Variants in PALM2AKAP2 observed in about 807,000 individuals in gnomAD.
PALM2AKAP2 encodes PALM2 and AKAP2 fusion.
A neutral mutation model predicts 71.5 loss-of-function variants in PALM2AKAP2; 37 were observed. The observed-to-expected ratio is 0.52, with a 90% CI of 0.40 to 0.68. The LOEUF is 0.68. PALM2AKAP2 is among the 30% of genes least tolerant of loss of function. PALM2AKAP2 has a pLI of 0.00. For missense variants in PALM2AKAP2, 1,224 were observed against 1,191.8 expected, an observed-to-expected ratio of 1.03 and a Z score of -0.40; for synonymous variants, 468 against 478.8, an observed-to-expected ratio of 0.98 and a Z score of 0.29.
chr9:110,100,818 C>G lies in PALM2AKAP2; in HGVS notation c.157-35309C>G, dbSNP rs113886626. On this transcript the variant is annotated intron_variant, in intron 1 of 3. Coordinates refer to ENST00000374525, the Ensembl canonical transcript of PALM2AKAP2. The stretch of plus-strand genomic sequence containing the variant: ...CAAAGACATGTGACATTGGCCCAAA[C>G]CCCCCTCAACTTGGAAAAGGGGTGG... 5.6e-3 allele frequency among the ~76,000 whole-genome samples: 845 copies of G among 152,236 alleles called. 10 individuals are homozygous for G. The highest frequency in any genetic ancestry group is 0.019 in the African/African-American group (802 of 41,540).
intron 1 of PALM2AKAP2, among the ~76,000 whole-genome samples, chr9:109,714,968 C>G (rs1476255621): frequency 6.6e-6 from 1 of 152,220 alleles, no homozygotes; most frequent in East Asian, 1.9e-4. Context: ...CCTCACAGCA[C>G]TTGCATCCTA....
At chr9:110,058,489 T>C (rs2132537174) in intron 1 of PALM2AKAP2, among the ~76,000 whole-genome samples, 1 of 152,280 alleles carries the variant, frequency 6.6e-6, no homozygotes, top group South Asian at 2.1e-4. Flanking sequence ...TGCCCTGGCC[T>C]TTGTCCTACC....
At chr9:109,663,764 T>G (rs1827437037) in intron 1 of PALM2AKAP2, among the ~76,000 whole-genome samples, 1 of 152,224 alleles carries the variant, frequency 6.6e-6, no homozygotes, top group Admixed American at 6.5e-5. Flanking sequence ...ATCTCATTGA[T>G]CTGTCTGATA....
chr9:109,782,744 TTGTGTGTGTGTGTG>T (rs71492863), intron 1 of PALM2AKAP2, among the ~76,000 whole-genome samples: 5 of 144,196 alleles, frequency 3.5e-5, no homozygotes, highest in South Asian at 2.2e-4. Flanking sequence ...GTGTGTTTGT[TTGTGTGTGTGTGTG>T]TGTGTGTGTG....
chr9:109,719,648 C>A (rs1828376854), intron 1 of PALM2AKAP2, among the ~76,000 whole-genome samples: 1 of 152,160 alleles, frequency 6.6e-6, no homozygotes, highest in Non-Finnish European at 1.5e-5. Context: ...GTTGGAGGAT[C>A]AAACACAAGA....
chr9:110,025,285 A>T (rs1833156316), intron 7 of PALM2AKAP2: 1 of 1,169,884 alleles, frequency 8.5e-7, no homozygotes, highest in African/African-American at 1.5e-5. Context: ...GGCCAAAGGA[A>T]CAACTCCATG....
chr9:109,985,037 A>G (rs540044513), intron 6 of PALM2AKAP2, among the ~76,000 whole-genome samples: 83 of 151,852 alleles, frequency 5.5e-4, no homozygotes, highest in Non-Finnish European at 9.3e-4. Context: ...TTAGCCAGGC[A>G]TGGTGGTGCA....
At chr9:109,663,197 G>C (rs566121907) in intron 1 of PALM2AKAP2, among the ~76,000 whole-genome samples, 4 of 152,044 alleles carry the variant, frequency 2.6e-5, no homozygotes, top group Non-Finnish European at 5.9e-5. Flanking sequence ...TTTCAGTTCT[G>C]CTCTGATCTT....
At chr9:110,163,376 C>G (rs948498128) in intron 3 of PALM2AKAP2, among the ~76,000 whole-genome samples, 4 of 152,098 alleles carry the variant, frequency 2.6e-5, no homozygotes, top group Non-Finnish European at 4.4e-5. Flanking sequence ...AATAATAAAA[C>G]CCACCTACCC....
At chr9:109,817,949 T>C in intron 1 of PALM2AKAP2, among the ~76,000 whole-genome samples, 1 of 152,198 alleles carries the variant, frequency 6.6e-6, no homozygotes, top group East Asian at 1.9e-4. Flanking sequence ...AAGAAGTCGT[T>C]AAGTGGATCT....
chr9:110,097,339 C>T (rs1419897554), intron 1 of PALM2AKAP2, among the ~76,000 whole-genome samples: 1 of 147,062 alleles, frequency 6.8e-6, no homozygotes, highest in Non-Finnish European at 1.5e-5. Flanking sequence ...TGAAAAGTCT[C>T]CCATGTCTAC....
intron 1 of PALM2AKAP2, among the ~76,000 whole-genome samples, chr9:109,736,239 A>T (rs1336320836): frequency 6.6e-6 from 1 of 152,268 alleles, no homozygotes; most frequent in Non-Finnish European, 1.5e-5. Flanking sequence ...CTATAAATAC[A>T]TATAATTTGT....
intron 6 of PALM2AKAP2, among the ~76,000 whole-genome samples, chr9:109,948,814 G>A (rs1316401193): frequency 2.6e-5 from 4 of 152,170 alleles, no homozygotes; most frequent in Non-Finnish European, 4.4e-5. Flanking sequence ...ATTTTCCTAT[G>A]GTTAATGTAC....
chr9:110,034,647 C>G (rs1346939299), intron 7 of PALM2AKAP2, among the ~76,000 whole-genome samples: 1 of 146,132 alleles, frequency 6.8e-6, no homozygotes, highest in African/African-American at 2.6e-5. Context: ...TTTCGTTGCC[C>G]AGGCTGGAGT....
intron 1 of PALM2AKAP2, among the ~76,000 whole-genome samples, chr9:110,114,632 C>T (rs1325999930): frequency 2.6e-5 from 4 of 152,206 alleles, no homozygotes; most frequent in African/African-American, 4.8e-5. Context: ...TACTTCCCAC[C>T]GTATCACTTT....
chr9:109,727,195 A>T (rs1474044995), intron 1 of PALM2AKAP2, among the ~76,000 whole-genome samples: 1 of 152,104 alleles, frequency 6.6e-6, no homozygotes, highest in East Asian at 1.9e-4. Context: ...TTTCCTTGCC[A>T]GGACTTTGAA....
At chr9:109,816,933 A>G (rs10816884) in intron 1 of PALM2AKAP2, among the ~76,000 whole-genome samples, 47,540 of 152,012 alleles carry the variant, frequency 0.31, 7,856 homozygotes, top group African/African-American at 0.41. Flanking sequence ...GACAACTACC[A>G]GTTTGTCTGG....
At chr9:110,144,432 G>A (rs1048773012) in intron 2 of PALM2AKAP2, among the ~76,000 whole-genome samples, 1 of 152,194 alleles carries the variant, frequency 6.6e-6, no homozygotes, top group Non-Finnish European at 1.5e-5. Context: ...CCTTAAAGCT[G>A]CATATAATAC....
At chr9:109,954,409 A>G (rs1018462708) in intron 6 of PALM2AKAP2, among the ~76,000 whole-genome samples, 1 of 150,778 alleles carries the variant, frequency 6.6e-6, no homozygotes, top group African/African-American at 2.4e-5. Flanking sequence ...TTTCTCAAAC[A>G]GTATTAAATC....
Sources: gnomAD v4.1 joint callset for allele counts (sites outside exome capture counted in the v4.1 genomes callset) on GRCh38, gnomAD v4.1.1 for gene constraint, MANE v1.5 for transcripts, NCBI Gene and HGNC (gene_info 2026-07-23, HGNC 2026-07-21) for gene names.